FNIP1: variants seen among roughly 807,000 people sequenced by gnomAD.
FNIP1 encodes the protein folliculin interacting protein 1.
Under a neutral mutation model 124.5 loss-of-function variants are expected in FNIP1, and 40 were observed. The observed-to-expected ratio is 0.32, with a 90% CI of 0.25 to 0.42. The LOEUF is 0.42. FNIP1 is among the 10% of genes least tolerant of loss of function. The pLI, the probability that FNIP1 is intolerant of heterozygous loss-of-function variation, is 1.00. For missense variants in FNIP1, 1,176 were observed against 1,403.7 expected (o/e 0.84, Z 2.59); for synonymous variants, 472 against 470.6 (o/e 1.00, Z -0.04).
chr5:131,654,726 C>T (rs1767141220), intron 15 of FNIP1, among the ~76,000 whole-genome samples: 1 of 151,902 alleles, frequency 6.6e-6, no homozygotes, highest in Non-Finnish European at 1.5e-5. Flanking sequence ...GATAGGACTA[C>T]TGGTGAAAAA....
rs1217263380 is a variant in FNIP1, at chr5:131,709,187, G to C, written c.778+14C>G. The C allele has an allele frequency of 6.2e-7, 1 of 1,609,088 alleles. No homozygotes were observed. The highest frequency in any genetic ancestry group is 8.5e-7 in the Non-Finnish European group (1 of 1,176,088). ...TAATCTCATAAAAAACTGAATACAA[G>C]AACGTGACATTACCAGACCGTGCTA... On this transcript the variant is annotated intron_variant, in intron 8 of 17. Transcript: ENST00000510461.
intron 15 of FNIP1, among the ~76,000 whole-genome samples, chr5:131,659,725 G>T (rs559236944): frequency 6.6e-6 from 1 of 152,158 alleles, no homozygotes; most frequent in Admixed American, 6.5e-5. Flanking sequence ...CCATATACAC[G>T]GCTGGGGTGT....
chr5:131,726,358 T>C (rs1580788149), intron 3 of FNIP1, among the ~76,000 whole-genome samples: 1 of 152,236 alleles, frequency 6.6e-6, no homozygotes, highest in Non-Finnish European at 1.5e-5. Context: ...CATTAATTAC[T>C]GCCTCAATTT....
intron 3 of FNIP1, among the ~76,000 whole-genome samples, chr5:131,726,328 C>CT (rs1561676106): frequency 6.6e-6 from 1 of 151,822 alleles, no homozygotes; most frequent in African/African-American, 2.4e-5. Flanking sequence ...TGGTCCTGGA[C>CT]TTTTTTTTGG....
At chr5:131,748,299 A>T (rs1404664258) in intron 1 of FNIP1, among the ~76,000 whole-genome samples, 1 of 152,188 alleles carries the variant, frequency 6.6e-6, no homozygotes, top group Admixed American at 6.5e-5. Flanking sequence ...AGTATTACGC[A>T]CATGTCTGTG....
intron 15 of FNIP1, among the ~76,000 whole-genome samples, chr5:131,660,032 C>T (rs1767373771): frequency 6.6e-6 from 1 of 152,222 alleles, no homozygotes; most frequent in African/African-American, 2.4e-5. Context: ...GGGAAGACGG[C>T]CCGGGGGCAT....
intron 1 of FNIP1, among the ~76,000 whole-genome samples, chr5:131,750,678 T>C (rs1770843958): frequency 6.6e-6 from 1 of 151,682 alleles, no homozygotes; most frequent in East Asian, 1.9e-4. Context: ...AGTAGCATGA[T>C]CTCGGCTCAC....
chr5:131,673,118 G>A (rs1026046656), intron 13 of FNIP1, among the ~76,000 whole-genome samples, 194 bp from the exon 14 acceptor site: 1 of 151,668 alleles, frequency 6.6e-6, no homozygotes, highest in Admixed American at 6.6e-5. Context: ...TACAATCATG[G>A]TTCACTGCAG....
chr5:131,644,708 A>C lies in FNIP1; in HGVS notation c.3478T>G (p.Tyr1160Asp). The change falls in exon 18 of 18, where the codon TAT (tyrosine) becomes GAT (aspartate). Residue 1160 changes from tyrosine (Y) to aspartate (D), a missense_variant. Physicochemically the swap from Tyr to Asp is radical, Grantham distance 160. Coordinates refer to ENST00000510461, the MANE Select transcript of FNIP1 (RefSeq NM_133372.3). ...LAAVASTHSP[Y>D]VAQILL ...TATTAAAGGAGTATTTGTGCAACAT[A>C]TGGAGAGTGAGTGCTTGCTACAGCA... 6 of 1,613,948 alleles carry C rather than the reference A, an allele frequency of 3.7e-6. No homozygotes were observed. Among genetic ancestry groups the C allele is most frequent in the Non-Finnish European group, 5.1e-6 (6 of 1,179,904 alleles).
At chr5:131,773,458 T>C (rs1027338665) in intron 1 of FNIP1, among the ~76,000 whole-genome samples, 5 of 152,176 alleles carry the variant, frequency 3.3e-5, no homozygotes, top group African/African-American at 1.2e-4. Context: ...GAATTGTAGT[T>C]AGAGATTTCC....
chr5:131,673,643 C>T (rs1767830468), intron 13 of FNIP1, among the ~76,000 whole-genome samples: 1 of 152,142 alleles, frequency 6.6e-6, no homozygotes, highest in South Asian at 2.1e-4. Flanking sequence ...AAAGACAAAG[C>T]ACAATATCCA....
chr5:131,791,087 G>A (rs1293762866), intron 1 of FNIP1, among the ~76,000 whole-genome samples: 1 of 152,188 alleles, frequency 6.6e-6, no homozygotes, highest in African/African-American at 2.4e-5. Context: ...CTTTTAAGAT[G>A]ATAATTAAAA....
intron 1 of FNIP1, among the ~76,000 whole-genome samples, chr5:131,771,961 C>T (rs1162237026): frequency 6.6e-6 from 1 of 152,098 alleles, no homozygotes; most frequent in African/African-American, 2.4e-5. Flanking sequence ...CAAGAAATTA[C>T]CATTTCCTGG....
At position 131,796,950 on chromosome 5, in the gene FNIP1, C is replaced by A; in HGVS notation, c.-29G>T. 4 of 1,570,512 alleles carry A rather than the reference C, an allele frequency of 2.5e-6. No individual in the cohort carries two copies. The highest frequency in any genetic ancestry group is 2.3e-5 in the East Asian group (1 of 42,738). On this transcript the variant is annotated 5_prime_UTR_variant, in exon 1 of 18. Transcript: ENST00000510461. ...AGCCACGGCCAGGCAGGGGTCGCTC[C>A]GCTGGGCGCTTGCTAGGCCCCTGCT...
intron 1 of FNIP1, among the ~76,000 whole-genome samples, chr5:131,748,053 G>A (rs1021879947): frequency 6.6e-6 from 1 of 152,006 alleles, no homozygotes; most frequent in Non-Finnish European, 1.5e-5. Context: ...ATATCTAAGA[G>A]ATCCATTTTC....
rs1770061056 is a variant in FNIP1 at position 131,730,890 on chromosome 5, A to T, written c.354+14T>A. ...ATAAATGAATGAATAAATAAATGAC[A>T]TCAATGATCTTACCTGGTACTTAAG... is the stretch of plus-strand genomic sequence containing the variant. On this transcript the variant is annotated intron_variant, in intron 3 of 17. Transcript: ENST00000510461. 2 of 1,582,322 alleles carry T rather than the reference A, an allele frequency of 1.3e-6. No individual in the cohort carries two copies. The highest frequency in any genetic ancestry group is 2.3e-5 in the South Asian group (2 of 86,642).
chr5:131,728,050 T>C (rs1475449079), intron 3 of FNIP1, among the ~76,000 whole-genome samples: 2 of 152,230 alleles, frequency 1.3e-5, no homozygotes, highest in African/African-American at 4.8e-5. Context: ...AGATCCACTG[T>C]TAGTCTGATG....
intron 2 of FNIP1, among the ~76,000 whole-genome samples, chr5:131,736,930 A>G (rs1189595260): frequency 2.0e-5 from 3 of 152,202 alleles, no homozygotes; most frequent in East Asian, 1.9e-4. Context: ...CAGAAAAGCA[A>G]AAGTTCTTTG....
At position 131,672,553 on chromosome 5, in the gene FNIP1, C is replaced by G; in HGVS notation, c.1891G>C (p.Glu631Gln). 3 of 1,614,024 alleles carry G rather than the reference C, an allele frequency of 1.9e-6. No individual in the cohort carries two copies. The highest frequency in any genetic ancestry group is 2.5e-6 in the Non-Finnish European group (3 of 1,180,020). ...NVENISQQEREDIQNSSKELL... is the reference protein window; with the variant it reads ...NVENISQQERQDIQNSSKELL... ...TCCTTAGAGCTGTTTTGAATATCTT[C>G]TCTCTCTTGTTGTGAAATGTTCTCT... is the stretch of plus-strand genomic sequence containing the variant. The change falls in exon 14 of 18, where the codon GAA (glutamate) becomes CAA (glutamine). Residue 631 changes from glutamate (E) to glutamine (Q), a missense_variant. Physicochemically the swap from Glu to Gln is conservative, Grantham distance 29. Transcript: ENST00000510461.
Sources: allele counts gnomAD v4.1 joint callset (sites outside exome capture counted in the v4.1 genomes callset), GRCh38; gene constraint gnomAD v4.1.1; transcripts MANE v1.5; gene names NCBI Gene and HGNC (gene_info 2026-07-23, HGNC 2026-07-21).